Variants in RRAS2 observed in about 807,000 individuals in gnomAD.
The protein encoded by RRAS2 is ras-related protein R-Ras2.
RRAS2 carries 7 observed loss-of-function variants against 27.6 expected under a neutral mutation model. The observed-to-expected ratio is 0.25, with a 90% CI of 0.14 to 0.48. The LOEUF (loss-of-function observed/expected upper bound fraction) is 0.48. RRAS2 is among the 20% of genes least tolerant of loss of function. The probability of loss-of-function intolerance (pLI) is 0.99; values close to 1 mark genes in which losing one functional copy is unlikely to be tolerated. For missense variants in RRAS2, 178 were observed against 256.2 expected, an observed-to-expected ratio of 0.69 and a Z score of 2.08; for synonymous variants, 86 against 90.9, an observed-to-expected ratio of 0.95 and a Z score of 0.31.
intron 1 of RRAS2, among the ~76,000 whole-genome samples, chr11:14,328,573 G>T (rs1177064843): frequency 6.6e-6 from 1 of 151,014 alleles, no homozygotes; most frequent in Non-Finnish European, 1.5e-5. Flanking sequence ...AGAAACACTA[G>T]AAGAAAAACA....
In RRAS2 at chr11:14,329,068, TACACACACACACACAC is replaced by T. The variant is rs200695347; in HGVS notation, c.108+29679_108+29694del. On this transcript the variant is annotated intron_variant, in intron 1 of 5. Coordinates refer to ENST00000256196, the MANE Select transcript of RRAS2 (RefSeq NM_012250.6). ...ATATGTATATACACACACATATACA[TACACACACACACACAC>T]ACACACACACACACGCATATACATA... Among the ~76,000 whole-genome samples, 7 of 141,710 alleles carry T rather than the reference TACACACACACACACAC, an allele frequency of 4.9e-5. No homozygotes were observed. The East Asian group carries it at 1.2e-3, about 25-fold the overall frequency. 93.0% of individuals were successfully genotyped at this position (141,710 alleles called of 152,430 possible). A position where few individuals can be genotyped will look rare whatever the true frequency, so the allele number is the denominator to read the frequency against.
upstream of RRAS2, among the ~76,000 whole-genome samples, chr11:14,362,853 G>A (rs1849207940): frequency 6.6e-6 from 1 of 152,204 alleles, no homozygotes; most frequent in African/African-American, 2.4e-5. Context: ...CATCGCAGAA[G>A]CAGTGTGATG....
At position 14,330,136 on chromosome 11, in the gene RRAS2, G is replaced by A. The variant is rs1316458527; in HGVS notation, c.108+28627C>T. Among the ~76,000 whole-genome samples, 10 of 152,184 alleles carry A rather than the reference G, an allele frequency of 6.6e-5. No individual in the cohort carries two copies. In the East Asian group the frequency reaches 1.9e-3, roughly 29 times the overall value. On this transcript the variant is annotated intron_variant, in intron 1 of 5. Transcript: ENST00000256196. ...AATGACTCAATGTAGTATTCACGGT[G>A]TAATGTGAATGTGTTCATTAAAAGA...
rs146900516 is a variant in RRAS2, at chr11:14,298,644, A to C, written c.109-2789T>G. On this transcript the variant is annotated intron_variant, in intron 1 of 5. Transcript: ENST00000256196. ...TTTTTGGATATTTAGGTTCACACCC[A>C]ATCTTTGCTGTGTCCTATCTTCATA... Among the ~76,000 whole-genome samples the C allele has an allele frequency of 8.5e-5, 13 of 152,322 alleles. No individual in the cohort carries two copies. The East Asian group carries it at 1.2e-3, about 14-fold the overall frequency.
chr11:14,343,163 G>A (rs995007321), intron 1 of RRAS2, among the ~76,000 whole-genome samples: 3 of 152,182 alleles, frequency 2.0e-5, no homozygotes, highest in Non-Finnish European at 2.9e-5. Context: ...AATCAGCTCA[G>A]CCAATGGCTT....
At chr11:14,341,475 T>C (rs782492192) in intron 1 of RRAS2, among the ~76,000 whole-genome samples, 1 of 152,144 alleles carries the variant, frequency 6.6e-6, no homozygotes, top group Non-Finnish European at 1.5e-5. Flanking sequence ...ATAGTAATTC[T>C]TAAAGCAAAT....
rs530932152 is a variant in RRAS2, at chr11:14,299,465, A to G, written c.109-3610T>C. Among the ~76,000 whole-genome samples, 4 of 152,330 alleles carry G rather than the reference A, an allele frequency of 2.6e-5. No individual in the cohort carries two copies. In the East Asian group the frequency reaches 7.7e-4, roughly 29 times the overall value. On this transcript the variant is annotated intron_variant, in intron 1 of 5. Transcript: ENST00000256196. ...TGAATTATACCTCTAGAGAACATAT[A>G]AATTAAATGGCTCCCTGCTGCTTAC... is the stretch of plus-strand genomic sequence containing the variant.
chr11:14,325,389 G>A (rs1848331808), intron 1 of RRAS2, among the ~76,000 whole-genome samples: 1 of 148,164 alleles, frequency 6.7e-6, no homozygotes, highest in Admixed American at 6.8e-5. Flanking sequence ...TTGGCTCACT[G>A]CAAGCTCTGC....
chr11:14,331,484 G>GA (rs1204837980), intron 1 of RRAS2, among the ~76,000 whole-genome samples: 1 of 151,822 alleles, frequency 6.6e-6, no homozygotes, highest in African/African-American at 2.4e-5. Context: ...ACACGATGTA[G>GA]AAAAAAATAG....
At chr11:14,294,646 T>C in intron 3 of RRAS2, 67 bp from the exon 4 acceptor site, 1 of 1,453,936 alleles carries the variant, frequency 6.9e-7, no homozygotes, top group South Asian at 1.2e-5. Context: ...GCAAGTCTCA[T>C]GCCCCAATTA....
intron 4 of RRAS2, among the ~76,000 whole-genome samples, chr11:14,290,531 A>T (rs1849783844): frequency 6.6e-6 from 1 of 152,170 alleles, no homozygotes; most frequent in Non-Finnish European, 1.5e-5. Context: ...CATGCCCCCT[A>T]AGGGTGGGAG....
At chr11:14,291,242 T>C (rs1564956411) in intron 4 of RRAS2, among the ~76,000 whole-genome samples, 1 of 152,034 alleles carries the variant, frequency 6.6e-6, no homozygotes, top group Non-Finnish European at 1.5e-5. Flanking sequence ...TATGTAAAAA[T>C]TATCCAAACA....
At chr11:14,333,564 CATAT>C in intron 1 of RRAS2, among the ~76,000 whole-genome samples, 1 of 152,264 alleles carries the variant, frequency 6.6e-6, no homozygotes, top group East Asian at 1.9e-4. Context: ...TTTTCCTATG[CATAT>C]ATAATTAAAT....
At chr11:14,359,207 G>T (rs782705060), upstream of RRAS2, 46 of 964,256 alleles carry the variant, frequency 4.8e-5, no homozygotes, top group South Asian at 4.3e-4. Context: ...CCAGGCTGAG[G>T]TGCTGCATAT....
rs558318391 is a variant in RRAS2 at position 14,326,282 on chromosome 11, T to C, written c.109-30427A>G. Among the ~76,000 whole-genome samples, 13 of 152,338 alleles carry C rather than the reference T, an allele frequency of 8.5e-5. No individual in the cohort carries two copies. The South Asian group carries it at 2.3e-3, about 27-fold the overall frequency. On this transcript the variant is annotated intron_variant, in intron 1 of 5. Transcript: ENST00000256196. ...CTTAAAACAAGTAACTAGACTGTTATATAGCTTTTAAAATGCTGCTGCTAT... is the reference window on the plus strand; with the variant it reads ...CTTAAAACAAGTAACTAGACTGTTACATAGCTTTTAAAATGCTGCTGCTAT...
At chr11:14,328,910 G>A (rs782073330) in intron 1 of RRAS2, among the ~76,000 whole-genome samples, 6 of 150,176 alleles carry the variant, frequency 4.0e-5, no homozygotes, top group South Asian at 2.1e-4. Flanking sequence ...GTGATCCACC[G>A]GCCTCGGCCT....
intron 1 of RRAS2, among the ~76,000 whole-genome samples, chr11:14,299,756 C>T (rs1246791276): frequency 6.6e-6 from 1 of 152,166 alleles, no homozygotes; most frequent in Non-Finnish European, 1.5e-5. Context: ...TATACAACCA[C>T]CAGTAGTTGA....
chr11:14,330,318 A>G (rs1211327514), intron 1 of RRAS2, among the ~76,000 whole-genome samples: 2 of 152,172 alleles, frequency 1.3e-5, no homozygotes, highest in Non-Finnish European at 2.9e-5. Context: ...ACATCTTGTA[A>G]TCCCAGCACT....
At chr11:14,302,106 A>ACACACACC (rs1311958360) in intron 1 of RRAS2, among the ~76,000 whole-genome samples, 1 of 150,374 alleles carries the variant, frequency 6.7e-6, no homozygotes, top group African/African-American at 2.4e-5. Flanking sequence ...ACACACACAC[A>ACACACACC]CACACCAAAA....
Sources: gnomAD v4.1 joint callset for allele counts (sites outside exome capture counted in the v4.1 genomes callset) on GRCh38, gnomAD v4.1.1 for gene constraint, MANE v1.5 for transcripts, NCBI Gene and HGNC (gene_info 2026-07-23, HGNC 2026-07-21) for gene names.